Variants in LRCH3 observed in about 807,000 individuals in gnomAD.
LRCH3 encodes the protein leucine rich repeats and calponin homology domain containing 3, also known as DISP complex protein LRCH3.
In LRCH3, 68 loss-of-function variants were observed where a neutral mutation model predicts 104.5. The observed-to-expected ratio is 0.65, with a 90% CI of 0.54 to 0.80. The LOEUF (loss-of-function observed/expected upper bound fraction) is 0.80. Ranked by LOEUF, LRCH3 falls within the 30% of genes least tolerant of loss-of-function variation. The pLI is 0.00. For synonymous variants in LRCH3, 344 were observed against 361.3 expected, an observed-to-expected ratio of 0.95 and a Z score of 0.54; for missense variants, 951 against 953.9, an observed-to-expected ratio of 1.00 and a Z score of 0.04.
chr3:197,887,588 GC>G lies in LRCH3; in HGVS notation c.*3923del. 1 of 150,318 alleles carries G rather than the reference GC, an allele frequency of 6.7e-6. No homozygotes were observed. The highest frequency in any genetic ancestry group is 2.5e-5 in the African/African-American group (1 of 39,234). The allele number at this position is 150,318 out of a possible 1,614,324, so 9.3% of individuals were successfully genotyped here. ...CTTCCCATCACTGACAGTGTTGGGG[GC>G]TGAGAGCCCCCCTAGCAGAGCCCTT... On this transcript the variant is annotated 3_prime_UTR_variant, in exon 21 of 21. Coordinates refer to ENST00000425562, the MANE Select transcript of LRCH3 (RefSeq NM_001365715.1).
intron 1 of LRCH3, among the ~76,000 whole-genome samples, chr3:197,814,312 A>AT (rs974239819): frequency 3.9e-5 from 6 of 152,240 alleles, no homozygotes; most frequent in African/African-American, 1.4e-4. Context: ...TATCACGAGA[A>AT]TAACACGGAA....
chr3:197,830,600 T>G lies in LRCH3; in HGVS notation c.888-170T>G. On this transcript the variant is annotated intron_variant, in intron 6 of 20. Transcript: ENST00000425562. ...GTACATGAGGTCTCATGCTATTCTG[T>G]TTGCTTTGTTTCTATTTGGAATTTT... The G allele has an allele frequency of 7.1e-6, 4 of 563,480 alleles. No individual in the cohort carries two copies. The South Asian group carries it at 8.3e-5, about 12-fold the overall frequency. The allele number at this position is 563,480 out of a possible 1,614,324, so 34.9% of individuals were successfully genotyped here. A position where few individuals can be genotyped will look rare whatever the true frequency, so the allele number is the denominator to read the frequency against.
At chr3:197,879,549 G>A (rs1048928857) in intron 20 of LRCH3, among the ~76,000 whole-genome samples, 2 of 151,964 alleles carry the variant, frequency 1.3e-5, no homozygotes, top group Admixed American at 6.5e-5. Flanking sequence ...GGGAGGCTGA[G>A]GCGGGAGAAT....
intron 1 of LRCH3, among the ~76,000 whole-genome samples, chr3:197,801,629 T>C (rs1731906884): frequency 6.6e-6 from 1 of 152,218 alleles, no homozygotes; most frequent in Non-Finnish European, 1.5e-5. Flanking sequence ...GTTTTCTTAA[T>C]ACCCTGTGCA....
intron 7 of LRCH3, among the ~76,000 whole-genome samples, chr3:197,831,531 G>T (rs1322188726): frequency 2.0e-5 from 3 of 151,302 alleles, no homozygotes; most frequent in Non-Finnish European, 4.4e-5. Context: ...TTTGAAATTT[G>T]GAATTACTTG....
intron 1 of LRCH3, among the ~76,000 whole-genome samples, chr3:197,798,970 C>G (rs1731575554): frequency 1.3e-5 from 2 of 152,166 alleles, no homozygotes; most frequent in African/African-American, 2.4e-5. Flanking sequence ...TAATAGAACT[C>G]TCTCATCACT....
chr3:197,872,263 G>A (rs1712288763), intron 19 of LRCH3, among the ~76,000 whole-genome samples: 3 of 151,488 alleles, frequency 2.0e-5, no homozygotes, highest in African/African-American at 7.3e-5. Flanking sequence ...AGGCTGATGT[G>A]GGAGGATCAC....
intron 4 of LRCH3, among the ~76,000 whole-genome samples, chr3:197,825,463 G>GTTTTTTTTTTTTTTTTTTTTTT (rs1491060533): frequency 3.4e-5 from 1 of 29,364 alleles, no homozygotes; most frequent in African/African-American, 1.2e-4. Flanking sequence ...GATCCTCTTT[G>GTTTTTTTTTTTTTTTTTTTTTT]ATTTTTTTTT....
rs1553912026 is a variant in LRCH3, at chr3:197,792,605, A to AT, written c.262+1065_262+1066insT. Among the ~76,000 whole-genome samples the AT allele has an allele frequency of 6.0e-3, 315 of 52,148 alleles. 7 individuals are homozygous for AT. Among genetic ancestry groups the AT allele is most frequent in the Non-Finnish European group, 0.01 (232 of 22,628 alleles). 34.2% of individuals were successfully genotyped at this position (52,148 alleles called of 152,430 possible). ...TATATATATATATATATATATATAT[A>AT]AAATATACATATATATATAATATAC... On this transcript the variant is annotated intron_variant, in intron 1 of 20. Coordinates refer to ENST00000425562, the MANE Select transcript of LRCH3 (RefSeq NM_001365715.1).
At position 197,856,972 on chromosome 3, in the gene LRCH3, TTA is replaced by T. The variant is rs1740326581; in HGVS notation, c.1645-1859_1645-1858del. 1.3e-5 allele frequency among the ~76,000 whole-genome samples: 2 copies of T among 152,252 alleles called. No homozygotes were observed. The highest frequency in any genetic ancestry group is 2.9e-5 in the Non-Finnish European group (2 of 68,048). On this transcript the variant is annotated intron_variant, in intron 14 of 20. Coordinates refer to ENST00000425562, the MANE Select transcript of LRCH3 (RefSeq NM_001365715.1). The surrounding 1 kb of genome is among the most constrained non-coding windows in gnomAD (Gnocchi z 4.2). ...GAAACTTACGATTTGAAATGAAGAT[TTA>T]TAACAGCTAATATCAGTTTACACTG...
chr3:197,839,505 G>A (rs1244005256), intron 10 of LRCH3, 108 bp downstream of exon 10: 8 of 637,586 alleles, frequency 1.3e-5, no homozygotes, highest in South Asian at 4.5e-5. Flanking sequence ...TACATGGCAT[G>A]TATTTAGAAC....
chr3:197,796,567 A>G (rs1257094990), intron 1 of LRCH3, among the ~76,000 whole-genome samples: 2 of 152,366 alleles, frequency 1.3e-5, no homozygotes, highest in Non-Finnish European at 2.9e-5. Context: ...TTATAATAGT[A>G]GCTAACATTT....
At chr3:197,834,236 TTAAAAA>T (rs1245701603) in intron 8 of LRCH3, among the ~76,000 whole-genome samples, 1 of 152,194 alleles carries the variant, frequency 6.6e-6, no homozygotes, top group Non-Finnish European at 1.5e-5. Context: ...ACTTTTAAAC[TTAAAAA>T]TAATGGGGGA....
At position 197,848,012 on chromosome 3, in the gene LRCH3, C is replaced by A; in HGVS notation, c.1521C>A (p.Asp507Glu). 1 of 1,614,036 alleles carries A rather than the reference C, an allele frequency of 6.2e-7. No homozygotes were observed. Among genetic ancestry groups the A allele is most frequent in the Non-Finnish European group, 8.5e-7 (1 of 1,179,974 alleles). Reference protein sequence around the residue: ...TKQIQRDAVLDFVKQKASQSP... With the variant: ...TKQIQRDAVLEFVKQKASQSP... ...AGATCCAGAGAGATGCTGTCCTGGACTTTGTCAAAGTGAGTCGTTTGAATG... is the reference window on the plus strand; with the variant it reads ...AGATCCAGAGAGATGCTGTCCTGGAATTTGTCAAAGTGAGTCGTTTGAATG... Residue 507 changes from aspartate (D) to glutamate (E), a missense_variant, in exon 12 of 21, where the codon GAC becomes GAA. Coordinates refer to ENST00000425562, the MANE Select transcript of LRCH3 (RefSeq NM_001365715.1).
At chr3:197,838,373 A>C (rs1401430339) in intron 9 of LRCH3, among the ~76,000 whole-genome samples, 1 of 152,260 alleles carries the variant, frequency 6.6e-6, no homozygotes, top group Non-Finnish European at 1.5e-5. Context: ...TAAGACAGTC[A>C]GTTGTTAGCC....
chr3:197,847,010 A>G (rs1354227290), intron 10 of LRCH3, among the ~76,000 whole-genome samples: 1 of 152,138 alleles, frequency 6.6e-6, no homozygotes, highest in Non-Finnish European at 1.5e-5. Flanking sequence ...TACAGTTACG[A>G]GGTTCTGTAG....
chr3:197,851,455 C>T (rs991413943), intron 12 of LRCH3, among the ~76,000 whole-genome samples: 3 of 152,124 alleles, frequency 2.0e-5, no homozygotes, highest in Non-Finnish European at 4.4e-5. Context: ...AATAGTTAGA[C>T]TAGGGTGCAA....
chr3:197,829,817 T>C (rs1040945783), intron 6 of LRCH3, 144 bp downstream of exon 6: 1 of 633,430 alleles, frequency 1.6e-6, no homozygotes, highest in Non-Finnish European at 2.7e-6. Flanking sequence ...TATTGTAAAG[T>C]TGATTACCTA....
chr3:197,865,671 T>G (rs1247309754), intron 16 of LRCH3, among the ~76,000 whole-genome samples, 200 bp downstream of exon 16: 2 of 152,206 alleles, frequency 1.3e-5, no homozygotes, highest in African/African-American at 4.8e-5. Flanking sequence ...CGGCTAAGAT[T>G]ATAATTTTTT....
Sources: allele counts gnomAD v4.1 joint callset (sites outside exome capture counted in the v4.1 genomes callset), GRCh38; gene constraint gnomAD v4.1.1; non-coding constraint Gnocchi (gnomAD v3.1); transcripts MANE v1.5; gene names NCBI Gene and HGNC (gene_info 2026-07-23, HGNC 2026-07-21).